NBEA: variants seen among roughly 807,000 people sequenced by gnomAD.
The protein encoded by NBEA is neurobeachin.
NBEA carries 44 observed loss-of-function variants against 343.4 expected under a neutral mutation model. The ratio of observed to expected loss-of-function variants is 0.13; its 90% CI spans 0.10 to 0.16. NBEA has a LOEUF of 0.16. Ranked by LOEUF, NBEA falls within the 10% of genes least tolerant of loss-of-function variation. The pLI, the probability that NBEA is intolerant of heterozygous loss-of-function variation, is 1.00. For missense variants in NBEA, 2,555 were observed against 3,631.3 expected, an observed-to-expected ratio of 0.70 and a Z score of 7.62; for synonymous variants, 1,175 against 1,238.7, an observed-to-expected ratio of 0.95 and a Z score of 1.08.
At chr13:35,377,865 A>G (rs984425725) in intron 38 of NBEA, among the ~76,000 whole-genome samples, 5 of 152,308 alleles carry the variant, frequency 3.3e-5, no homozygotes, top group East Asian at 3.9e-4. Context: ...ACATATACAC[A>G]GGTACATAAG....
chr13:35,042,861 G>A (rs58278699), intron 2 of NBEA, among the ~76,000 whole-genome samples: 7 of 151,538 alleles, frequency 4.6e-5, no homozygotes, highest in Non-Finnish European at 7.4e-5. Flanking sequence ...ACTAAAACAC[G>A]ACTAACAGTT....
In NBEA at chr13:35,159,296, A is replaced by T; in HGVS notation, c.3125A>T (p.Asp1042Val). The T allele has an allele frequency of 1.2e-6, 2 of 1,613,612 alleles. No individual in the cohort carries two copies. Among genetic ancestry groups the T allele is most frequent in the South Asian group, 2.2e-5 (2 of 91,078 alleles). Residue 1042 changes from aspartate to valine, a missense_variant, in exon 22 of 59, where the codon GAT becomes GTT. Physicochemically the swap from Asp to Val is radical, Grantham distance 152. Transcript: ENST00000379939. ...KVSDDILGNS[D>V]RPGSGVHVEV... ...TCAGATGATATTCTTGGAAATTCAG[A>T]TAGACCAGGAAGTGGTGTACATGTG...
intron 28 of NBEA, among the ~76,000 whole-genome samples, chr13:35,181,119 T>C (rs181358638): frequency 6.6e-6 from 1 of 152,086 alleles, no homozygotes; most frequent in Admixed American, 6.6e-5. Flanking sequence ...TTGAAAATTG[T>C]GCTGCTATAA....
rs1340689713 is a variant in NBEA at position 35,109,390 on chromosome 13, T to A, written c.1781T>A (p.Leu594His). The change falls in exon 12 of 59, where the codon CTT becomes CAT. Residue 594 changes from leucine (L) to histidine (H), a missense_variant. Coordinates refer to ENST00000379939, the MANE Select transcript of NBEA (RefSeq NM_001385012.1). ...LSHGAPLLKQ[L>H]CDHILFNPAI... ...CATGGAGCACCTTTGCTGAAGCAGC[T>A]TTGTGATCACATTTTATTTAACCCA... 3.7e-6 allele frequency: 6 copies of A among 1,612,258 alleles called. No homozygotes were observed. Among genetic ancestry groups the A allele is most frequent in the South Asian group, 1.1e-5 (1 of 90,926 alleles).
intron 18 of NBEA, among the ~76,000 whole-genome samples, chr13:35,153,094 G>A (rs184027380): frequency 1.0e-4 from 15 of 144,112 alleles, no homozygotes; most frequent in Admixed American, 2.1e-4. Context: ...CTGCAGTGGC[G>A]TGATCTCGGC....
intron 30 of NBEA, 47 bp from the exon 31 acceptor site, chr13:35,195,817 A>G: frequency 6.8e-7 from 1 of 1,460,874 alleles, no homozygotes; most frequent in South Asian, 1.4e-5. Context: ...ATAATACAAG[A>G]TTTTTACTTT....
intron 1 of NBEA, 43 bp downstream of exon 1, chr13:34,943,157 C>T: frequency 6.2e-7 from 1 of 1,603,936 alleles, no homozygotes; most frequent in Non-Finnish European, 8.5e-7. Flanking sequence ...CCAGTCCCCA[C>T]ATACACCGTC....
At chr13:35,478,064 C>T (rs1308636176) in intron 41 of NBEA, among the ~76,000 whole-genome samples, 1 of 152,114 alleles carries the variant, frequency 6.6e-6, no homozygotes, top group Non-Finnish European at 1.5e-5. Flanking sequence ...CCTATAACTC[C>T]CGGTAACATG....
intron 48 of NBEA, among the ~76,000 whole-genome samples, chr13:35,622,058 T>C (rs991601186): frequency 2.0e-5 from 3 of 152,094 alleles, no homozygotes; most frequent in African/African-American, 7.2e-5. Context: ...TAGAAATTCA[T>C]AGAAAAAAAC....
At chr13:35,012,364 C>T (rs2061515995) in intron 1 of NBEA, among the ~76,000 whole-genome samples, 1 of 152,162 alleles carries the variant, frequency 6.6e-6, no homozygotes, top group Non-Finnish European at 1.5e-5. Flanking sequence ...TTAATCAACT[C>T]GCTCCACCCT....
chr13:35,123,426 G>A, intron 16 of NBEA, 56 bp from the exon 17 acceptor site: 2 of 914,404 alleles, frequency 2.2e-6, no homozygotes, highest in South Asian at 2.4e-5. Flanking sequence ...AGCATGTAGT[G>A]TGTTTTTGTT....
intron 36 of NBEA, among the ~76,000 whole-genome samples, chr13:35,341,704 T>C (rs2039594782): frequency 6.6e-6 from 1 of 152,080 alleles, no homozygotes; most frequent in East Asian, 1.9e-4. Context: ...AGAATGGCTA[T>C]AATGTTTAAA....
At chr13:35,590,457 C>T (rs1237950790) in intron 46 of NBEA, among the ~76,000 whole-genome samples, 2 of 152,018 alleles carry the variant, frequency 1.3e-5, no homozygotes, top group East Asian at 3.9e-4. Context: ...TAGGTGCCAC[C>T]AGATTCATTC....
intron 38 of NBEA, among the ~76,000 whole-genome samples, chr13:35,418,175 G>T (rs749027414): frequency 6.6e-6 from 1 of 152,034 alleles, no homozygotes; most frequent in Admixed American, 6.6e-5. Context: ...GCACACTGAT[G>T]GGTCTTGACT....
intron 36 of NBEA, among the ~76,000 whole-genome samples, chr13:35,330,567 T>C (rs1594242605): frequency 6.6e-6 from 1 of 152,082 alleles, no homozygotes; most frequent in East Asian, 1.9e-4. Flanking sequence ...CAAGCCCTTA[T>C]GTTTCATTGT....
In NBEA at chr13:35,547,437, G is replaced by A. The variant is rs79853671; in HGVS notation, c.6586-3040G>A. 2.8e-3 allele frequency among the ~76,000 whole-genome samples: 423 copies of A among 152,334 alleles called. 4 individuals are homozygous for A. The highest frequency in any genetic ancestry group is 9.1e-3 in the African/African-American group (377 of 41,576). The stretch of plus-strand genomic sequence containing the variant: ...GCTCCCAGGCTGTAGCTAAGAGAAT[G>A]GTGATAGGAAAACTGAGTTTGTGTA... On this transcript the variant is annotated intron_variant, in intron 41 of 58. Transcript: ENST00000379939.
intron 45 of NBEA, among the ~76,000 whole-genome samples, chr13:35,576,579 A>G (rs1339621113): frequency 1.3e-5 from 2 of 152,250 alleles, no homozygotes; most frequent in Non-Finnish European, 2.9e-5. Context: ...TCTATGAGAT[A>G]AACCAAATTC....
rs149738885 is a variant in NBEA, at chr13:35,330,115, A to G, written c.5904-18993A>G. Among the ~76,000 whole-genome samples, 847 of 152,086 alleles carry G rather than the reference A, an allele frequency of 5.6e-3. 10 individuals carry two copies. The highest frequency in any genetic ancestry group is 0.019 in the African/African-American group (807 of 41,518). On this transcript the variant is annotated intron_variant, in intron 36 of 58. Coordinates refer to ENST00000379939, the MANE Select transcript of NBEA (RefSeq NM_001385012.1). The stretch of plus-strand genomic sequence containing the variant: ...AAACTGATAGCTTTTCCCGAACAAC[A>G]TAGTCACCTGTTTCTGTGCCTTTGA...
At chr13:35,252,615 T>C (rs2032113263) in intron 34 of NBEA, among the ~76,000 whole-genome samples, 1 of 151,940 alleles carries the variant, frequency 6.6e-6, no homozygotes, top group African/African-American at 2.4e-5. Context: ...TGATTAAAGA[T>C]TTGAGGATGA....
Sources: allele counts gnomAD v4.1 joint callset (sites outside exome capture counted in the v4.1 genomes callset), GRCh38; gene constraint gnomAD v4.1.1; transcripts MANE v1.5; gene names NCBI Gene and HGNC (gene_info 2026-07-23, HGNC 2026-07-21).